The following DST variants were observed in gnomAD, a reference collection of about 807,000 sequenced individuals.
The protein encoded by DST is dystonin, also known as bullous pemphigoid antigen.
Under a neutral mutation model 875.2 loss-of-function variants are expected in DST, and 253 were observed. That is an observed-to-expected ratio of 0.29 (90% CI 0.26 to 0.32). DST has a LOEUF of 0.32. DST is among the 10% of genes least tolerant of loss of function. The pLI is 1.00. For synonymous variants in DST, 3,124 were observed against 3,197.1 expected (o/e 0.98, Z 0.77); for missense variants, 8,287 against 9,111.6 (o/e 0.91, Z 3.68).
At position 56,506,675 on chromosome 6, in the gene DST, T is replaced by C. The variant is rs575060460; in HGVS notation, c.19354A>G (p.Ile6452Val). 3.7e-6 allele frequency: 6 copies of C among 1,613,620 alleles called. No homozygotes were observed. The East Asian group carries it at 1.3e-4, about 36-fold the overall frequency. ...EPDKPIVKKSIDELNSAWDSL... is the reference protein window; with the variant it reads ...EPDKPIVKKSVDELNSAWDSL... ...AAGTAAGCCAGTTGTACCTCATCTA[T>C]ACTCTTCTTGACAATGGGTTTATCA... Residue 6452 changes from isoleucine to valine, a missense_variant, in exon 76 of 104, where the codon ATA becomes GTA. Physicochemically the swap from Ile to Val is conservative, Grantham distance 29 (BLOSUM62 3). Around this residue, in one of 10 missense-constraint regions of DST, gnomAD observed 1,292 missense variants for 1,552.7 expected, o/e 0.83. Transcript: ENST00000680361.
At chr6:56,901,385 C>T (rs1163016800) in intron 2 of DST, among the ~76,000 whole-genome samples, 1 of 152,216 alleles carries the variant, frequency 6.6e-6, no homozygotes, top group Non-Finnish European at 1.5e-5. Flanking sequence ...CACCTGAGGT[C>T]AGGAGTTGGA....
intron 4 of DST, among the ~76,000 whole-genome samples, chr6:56,785,075 G>C (rs2099702354): frequency 6.6e-6 from 1 of 152,180 alleles, no homozygotes; most frequent in Non-Finnish European, 1.5e-5. Flanking sequence ...CTGTCTGATC[G>C]TTCCTCTGGA....
intron 69 of DST, among the ~76,000 whole-genome samples, chr6:56,525,324 T>A (rs2096778387): frequency 6.6e-6 from 1 of 152,178 alleles, no homozygotes; most frequent in Non-Finnish European, 1.5e-5. Flanking sequence ...ACTCCTCTGT[T>A]TAAACAGAGT....
chr6:56,620,175 G>GC, intron 36 of DST: 1 of 1,613,470 alleles, frequency 6.2e-7, no homozygotes, highest in Non-Finnish European at 8.5e-7. Flanking sequence ...AGCTTCAAGA[G>GC]TTCTTCCTCA....
rs1562300582 is a variant in DST at position 56,486,401 on chromosome 6, ACTAACATGAC to A, written c.21047+693_21047+702del. Among the ~76,000 whole-genome samples the A allele has an allele frequency of 6.4e-4, 96 of 149,576 alleles. 2 individuals are homozygous for A. Among genetic ancestry groups the A allele is most frequent in the Non-Finnish European group, 9.9e-4 (66 of 66,484 alleles). On this transcript the variant is annotated intron_variant, in intron 87 of 103. Coordinates refer to ENST00000680361, the MANE Select transcript of DST (RefSeq NM_001374736.1). ...AAAAAAAAAAAAGGATTTTTTCAAA[ACTAACATGAC>A]AAAAACTTACTGTGAGTTCCCCAGA...
rs75799672 is a variant in DST at position 56,702,138 on chromosome 6, T to C, written c.877-173A>G. Among the ~76,000 whole-genome samples, 4,248 of 152,258 alleles carry C rather than the reference T, an allele frequency of 0.028. 198 individuals are homozygous for C. Among genetic ancestry groups the C allele is most frequent in the African/African-American group, 0.097 (4,012 of 41,532 alleles). Reference sequence around the variant, plus strand: ...TCTTTATATTGTCTGAGATTGAATGTAAACTACTAGGGATTTTTTTCCAAG... The same window carrying C: ...TCTTTATATTGTCTGAGATTGAATGCAAACTACTAGGGATTTTTTTCCAAG... On this transcript the variant is annotated intron_variant, in intron 7 of 103. Coordinates refer to ENST00000680361, the MANE Select transcript of DST (RefSeq NM_001374736.1).
intron 2 of DST, among the ~76,000 whole-genome samples, chr6:56,922,174 A>G (rs73463718): frequency 0.019 from 2,941 of 152,272 alleles, 95 homozygotes; most frequent in African/African-American, 0.066. Flanking sequence ...AAAAAGGGCT[A>G]TGTGTGTACA....
intron 10 of DST, among the ~76,000 whole-genome samples, chr6:56,667,592 A>T (rs927939642): frequency 6.6e-6 from 1 of 152,202 alleles, no homozygotes; most frequent in African/African-American, 2.4e-5. Context: ...ACCTTAACAA[A>T]GGAAAATAAA....
intron 49 of DST, among the ~76,000 whole-genome samples, chr6:56,585,017 T>G (rs1214411542): frequency 7.2e-5 from 11 of 151,940 alleles, no homozygotes; most frequent in Non-Finnish European, 1.5e-4. Context: ...TGAGGATTTT[T>G]GCATCAATGT....
chr6:56,461,285 T>A (rs1482406326), intron 102 of DST: 1 of 152,234 alleles, frequency 6.6e-6, no homozygotes, highest in Admixed American at 6.5e-5. Context: ...ATACATAGAA[T>A]GTTCAAGTTT....
chr6:56,824,870 G>A (rs531711460), intron 4 of DST, among the ~76,000 whole-genome samples: 35 of 151,602 alleles, frequency 2.3e-4, no homozygotes, highest in South Asian at 1.5e-3. Context: ...GTCCGGGAGG[G>A]AGGTGGGGGG....
intron 34 of DST, among the ~76,000 whole-genome samples, chr6:56,625,986 A>C (rs1281022914): frequency 6.6e-6 from 1 of 151,332 alleles, no homozygotes; most frequent in African/African-American, 2.4e-5. Flanking sequence ...AAAAAAAAAA[A>C]AAAACCAAAA....
chr6:56,630,495 C>T (rs902750762), intron 30 of DST, 112 bp from the exon 31 acceptor site: 2 of 943,964 alleles, frequency 2.1e-6, no homozygotes, highest in Admixed American at 4.1e-5. Context: ...CACCTTGGAA[C>T]ACTGATACAT....
chr6:56,946,787 T>C (rs1238951840), intron 2 of DST, among the ~76,000 whole-genome samples: 2 of 152,136 alleles, frequency 1.3e-5, no homozygotes, highest in African/African-American at 4.8e-5. Context: ...GAGGATTTCA[T>C]AGGAGGGTAA....
intron 45 of DST, among the ~76,000 whole-genome samples, chr6:56,599,627 C>G (rs1231634132): frequency 6.6e-6 from 1 of 152,042 alleles, no homozygotes; most frequent in Non-Finnish European, 1.5e-5. Context: ...ATATCTTTAT[C>G]TGTTGTTACT....
At chr6:56,724,387 A>G (rs2099437009) in intron 5 of DST, among the ~76,000 whole-genome samples, 1 of 152,228 alleles carries the variant, frequency 6.6e-6, no homozygotes, top group South Asian at 2.1e-4. Flanking sequence ...CCAAGAATTC[A>G]GTAAGTAGTA....
chr6:56,636,722 T>C, intron 22 of DST, 70 bp from the exon 23 acceptor site: 1 of 1,168,708 alleles, frequency 8.6e-7, no homozygotes, highest in Non-Finnish European at 1.3e-6. Flanking sequence ...TTGATATCGA[T>C]GCTTCTAAAT....
At chr6:56,814,116 G>A (rs2099763867) in intron 4 of DST, among the ~76,000 whole-genome samples, 2 of 152,100 alleles carry the variant, frequency 1.3e-5, no homozygotes, top group Admixed American at 1.3e-4. Context: ...AATTGTGATG[G>A]TCTCAATATA....
rs1415603233 is a variant in DST at position 56,840,289 on chromosome 6, C to T, written c.625+11108G>A. Among the ~76,000 whole-genome samples, 3 of 152,120 alleles carry T rather than the reference C, an allele frequency of 2.0e-5. No homozygotes were observed. The East Asian group carries it at 5.8e-4, about 29-fold the overall frequency. ...GAAAAAAAATAAGATACTACTGTAT[C>T]TTTTAAGCTAAGCTACTAAGAATGT... On this transcript the variant is annotated intron_variant, in intron 4 of 103. Coordinates refer to ENST00000680361, the MANE Select transcript of DST (RefSeq NM_001374736.1).
Sources: gnomAD v4.1 joint callset for allele counts (sites outside exome capture counted in the v4.1 genomes callset) on GRCh38, gnomAD v4.1.1 for gene constraint, gnomAD v4.1.1 regional missense constraint, MANE v1.5 for transcripts, NCBI Gene and HGNC (gene_info 2026-07-23, HGNC 2026-07-21) for gene names.